NEBL: variants seen among roughly 807,000 people sequenced by gnomAD.
NEBL encodes LIM and SH3 protein 2.
A neutral mutation model predicts 140.2 loss-of-function variants in NEBL; 122 were observed. That is an observed-to-expected ratio of 0.87 (90% CI 0.75 to 1.01). NEBL has a LOEUF of 1.01. Among genes scored for constraint, NEBL ranks in the 50% least tolerant of loss-of-function variants. The pLI, the probability that NEBL is intolerant of heterozygous loss-of-function variation, is 0.00. For missense variants in NEBL, 1,365 were observed against 1,231.3 expected (o/e 1.11, Z -1.62); for synonymous variants, 436 against 398.9 (o/e 1.09, Z -1.11).
At chr10:21,010,097 T>C (rs1016534405) in intron 3 of NEBL, among the ~76,000 whole-genome samples, 16 of 152,296 alleles carry the variant, frequency 1.1e-4, no homozygotes, top group African/African-American at 3.9e-4. Context: ...ATTAAGAGTG[T>C]TGATTAAGGG....
At chr10:21,181,729 C>A (rs2132205675) in intron 3 of NEBL, among the ~76,000 whole-genome samples, 1 of 152,348 alleles carries the variant, frequency 6.6e-6, no homozygotes, top group Non-Finnish European at 1.5e-5. Context: ...AGCGTACTTT[C>A]CCACAATTTC....
intron 2 of NEBL, among the ~76,000 whole-genome samples, chr10:21,047,262 G>T (rs1834561328): frequency 6.6e-6 from 1 of 152,190 alleles, no homozygotes; most frequent in South Asian, 2.1e-4. Flanking sequence ...TTATGGTCAT[G>T]AATAAAGTGA....
intron 2 of NEBL, among the ~76,000 whole-genome samples, chr10:21,102,980 AC>A (rs1301878468): frequency 2.0e-5 from 1 of 51,278 alleles, no homozygotes; most frequent in Non-Finnish European, 3.8e-5. Flanking sequence ...CCCTCCCCCC[AC>A]CCCACTTCCA....
rs933165694 is a variant in NEBL at position 20,940,027 on chromosome 10, G to A, written c.357+21645C>T. Among the ~76,000 whole-genome samples the A allele has an allele frequency of 1.1e-4, 17 of 150,368 alleles. No homozygotes were observed. The South Asian group carries it at 3.4e-3, about 30-fold the overall frequency. Reference sequence around the variant, plus strand: ...CACTGTCAATATTAGACAGATCAACGAGACAGAAAGTTAACAAGGATACCC... The same window carrying A: ...CACTGTCAATATTAGACAGATCAACAAGACAGAAAGTTAACAAGGATACCC... On this transcript the variant is annotated intron_variant, in intron 4 of 6. Coordinates refer to the NEBL transcript ENST00000417816.
intron 2 of NEBL, among the ~76,000 whole-genome samples, chr10:21,081,626 C>A (rs1227634547): frequency 6.6e-6 from 1 of 152,140 alleles, no homozygotes; most frequent in East Asian, 1.9e-4. Context: ...CTTAATGTCC[C>A]TAGACGGTTG....
chr10:21,058,851 C>T (rs1309350368), intron 2 of NEBL, among the ~76,000 whole-genome samples: 1 of 152,064 alleles, frequency 6.6e-6, no homozygotes, highest in Non-Finnish European at 1.5e-5. Flanking sequence ...ACTATAGGTA[C>T]AAAACATTTA....
chr10:21,058,116 T>A (rs1835113433), intron 2 of NEBL, among the ~76,000 whole-genome samples: 1 of 152,212 alleles, frequency 6.6e-6, no homozygotes, highest in Non-Finnish European at 1.5e-5. Flanking sequence ...CTACTATCAA[T>A]GTGAATAACT....
rs773102357 is a variant in NEBL at position 21,017,126 on chromosome 10, G to A, written c.249+2991C>T. Among the ~76,000 whole-genome samples, 5 of 152,336 alleles carry A rather than the reference G, an allele frequency of 3.3e-5. No homozygotes were observed. In the East Asian group the frequency reaches 9.6e-4, roughly 29 times the overall value. The stretch of plus-strand genomic sequence containing the variant: ...CCAAGACCTATTCCGTACCAGCTAA[G>A]TGTGAAAGGGCAGGTTATCGAAATT... On this transcript the variant is annotated intron_variant, in intron 3 of 6. Transcript: ENST00000417816.
intron 13 of NEBL, among the ~76,000 whole-genome samples, chr10:20,838,036 C>T (rs1479652173): frequency 6.6e-6 from 1 of 152,144 alleles, no homozygotes; most frequent in African/African-American, 2.4e-5. Context: ...TTCATGTTTT[C>T]GAGCCTGCTA....
chr10:21,219,238 A>C lies in NEBL; in HGVS notation n.348+28683T>G, dbSNP rs150793213. On this transcript the variant is annotated intron_variant and non_coding_transcript_variant, in intron 3 of 8. Coordinates refer to the NEBL transcript ENST00000675702. ...AAAGTGAGAAAAGGTATTAATTATA[A>C]GTAATAAATGAAATTAAAAATGTAT... 9.4e-4 allele frequency among the ~76,000 whole-genome samples: 143 copies of C among 152,370 alleles called. 1 individual carries two copies. Among genetic ancestry groups the C allele is most frequent in the Non-Finnish European group, 1.1e-3 (76 of 68,042 alleles).
chr10:21,178,194 T>C (rs1219821163), upstream of NEBL, among the ~76,000 whole-genome samples: 1 of 152,186 alleles, frequency 6.6e-6, no homozygotes, highest in Non-Finnish European at 1.5e-5. Flanking sequence ...CAATGAGAAA[T>C]GTAAAATACA....
At chr10:20,890,834 C>T (rs1428645242) in intron 2 of NEBL, among the ~76,000 whole-genome samples, 1 of 152,198 alleles carries the variant, frequency 6.6e-6, no homozygotes, top group Non-Finnish European at 1.5e-5. Context: ...CTAATTGCTG[C>T]ACAATCTGGA....
chr10:21,046,481 G>C (rs1241935613), intron 2 of NEBL, among the ~76,000 whole-genome samples: 1 of 152,100 alleles, frequency 6.6e-6, no homozygotes, highest in East Asian at 1.9e-4. Context: ...CATAACTTTT[G>C]CTTCTCTATT....
rs183691713 is a variant in NEBL at position 20,940,842 on chromosome 10, T to C, written c.357+20830A>G. Among the ~76,000 whole-genome samples, 183 of 152,186 alleles carry C rather than the reference T, an allele frequency of 1.2e-3. No homozygotes were observed. The Middle Eastern group carries it at 0.031, about 25-fold the overall frequency. On this transcript the variant is annotated intron_variant, in intron 4 of 6. Transcript: ENST00000417816. ...AATAAACTAGAAAATCTAGAAGAAA[T>C]GGATAAATTCCTCAACACATACAAA...
At chr10:21,112,726 G>C (rs1385080086) in intron 2 of NEBL, 1 of 149,044 alleles carries the variant, frequency 6.7e-6, no homozygotes, top group Non-Finnish European at 1.4e-5. Flanking sequence ...ATGTACCCTA[G>C]AACTTAAAGT....
chr10:21,227,790 C>T (rs1842189528), intron 3 of NEBL, among the ~76,000 whole-genome samples: 2 of 137,286 alleles, frequency 1.5e-5, no homozygotes, highest in South Asian at 4.9e-4. Flanking sequence ...TCTTTCTCTT[C>T]TTTCTTCTTC....
chr10:21,221,993 C>T (rs534027654), intron 3 of NEBL, among the ~76,000 whole-genome samples: 79 of 151,874 alleles, frequency 5.2e-4, no homozygotes, highest in African/African-American at 1.8e-3. Flanking sequence ...TGAGCAAGCC[C>T]GTTCTCTTTG....
intron 3 of NEBL, among the ~76,000 whole-genome samples, chr10:21,198,549 A>G (rs1841686932): frequency 6.6e-6 from 1 of 152,238 alleles, no homozygotes; most frequent in Non-Finnish European, 1.5e-5. Context: ...GGCTACTCAG[A>G]GCATAGAACA....
Position 21,045,186 on chromosome 10 carries a change from T to G in NEBL, c.165-24985A>C, listed in dbSNP as rs539596805. 3.3e-5 allele frequency among the ~76,000 whole-genome samples: 5 copies of G among 152,322 alleles called. No individual in the cohort carries two copies. The East Asian group carries it at 9.6e-4, about 29-fold the overall frequency. Reference sequence around the variant, plus strand: ...CTCTGCTTAAAGTGAGTAATCTTTTTTATGGTTTCTGAATTGTAGGAAATA... The same window carrying G: ...CTCTGCTTAAAGTGAGTAATCTTTTGTATGGTTTCTGAATTGTAGGAAATA... On this transcript the variant is annotated intron_variant, in intron 2 of 6. Transcript: ENST00000417816.
Sources: allele counts gnomAD v4.1 joint callset (sites outside exome capture counted in the v4.1 genomes callset), GRCh38; gene constraint gnomAD v4.1.1; transcripts MANE v1.5; gene names NCBI Gene and HGNC (gene_info 2026-07-23, HGNC 2026-07-21).